OSBPL9: variants seen among roughly 807,000 people sequenced by gnomAD.
OSBPL9 encodes the protein oxysterol-binding protein-related protein 9.
A neutral mutation model predicts 106.6 loss-of-function variants in OSBPL9; 40 were observed. The ratio of observed to expected loss-of-function variants is 0.38; its 90% CI spans 0.29 to 0.49. The LOEUF (loss-of-function observed/expected upper bound fraction) is 0.49. Ranked by LOEUF, OSBPL9 falls within the 20% of genes least tolerant of loss-of-function variation. OSBPL9 has a pLI of 0.97. For missense variants in OSBPL9, 609 were observed against 887.2 expected (o/e 0.69, Z 3.98); for synonymous variants, 269 against 295.4 (o/e 0.91, Z 0.92).
At chr1:51,619,082 T>C (rs1026594776) in intron 1 of OSBPL9, among the ~76,000 whole-genome samples, 1 of 152,200 alleles carries the variant, frequency 6.6e-6, no homozygotes, top group Non-Finnish European at 1.5e-5. Flanking sequence ...GAGAGGCAAC[T>C]GAATATTATG....
chr1:51,728,000 T>G (rs1663438783), intron 4 of OSBPL9, among the ~76,000 whole-genome samples: 1 of 152,098 alleles, frequency 6.6e-6, no homozygotes, highest in Admixed American at 6.5e-5. Context: ...GTGTGGGGAT[T>G]GATGTCAAGG....
chr1:51,593,027 C>G (rs371284418), intron 1 of OSBPL9, among the ~76,000 whole-genome samples: 13 of 152,224 alleles, frequency 8.5e-5, no homozygotes, highest in African/African-American at 3.1e-4. Context: ...TTGAACCTAT[C>G]CTTGGAAAAG....
intron 3 of OSBPL9, among the ~76,000 whole-genome samples, chr1:51,675,462 G>A (rs888909967): frequency 1.3e-5 from 2 of 151,780 alleles, no homozygotes; most frequent in African/African-American, 2.4e-5. Flanking sequence ...TATGTAGACC[G>A]AATAAAATGC....
At chr1:51,683,789 T>C (rs1653145969) in intron 3 of OSBPL9, among the ~76,000 whole-genome samples, 2 of 146,816 alleles carry the variant, frequency 1.4e-5, no homozygotes, top group Admixed American at 1.3e-4. Context: ...CAAGACTCTG[T>C]CTCAAAAAAA....
chr1:51,682,845 T>TG (rs1350104378), intron 3 of OSBPL9, among the ~76,000 whole-genome samples: 1 of 151,352 alleles, frequency 6.6e-6, no homozygotes, highest in Non-Finnish European at 1.5e-5. Flanking sequence ...TTTTTTTTTT[T>TG]GGCTAGGAGC....
the OSBPL9 span, among the ~76,000 whole-genome samples, chr1:51,519,489 C>A: frequency 6.6e-6 from 1 of 151,840 alleles, no homozygotes; most frequent in African/African-American, 2.4e-5. Flanking sequence ...GCCCCCGGGG[C>A]CGCCTTGGAA....
upstream of OSBPL9, chr1:51,616,933 T>G (rs1644072838): frequency 8.4e-7 from 1 of 1,190,078 alleles, no homozygotes; most frequent in Non-Finnish European, 1.1e-6. Context: ...TGGCATGGAG[T>G]CCTACACACA....
intron 3 of OSBPL9, among the ~76,000 whole-genome samples, chr1:51,710,715 C>G (rs1659618723): frequency 6.6e-6 from 1 of 152,178 alleles, no homozygotes; most frequent in Non-Finnish European, 1.5e-5. Flanking sequence ...CTCATTGTTT[C>G]TTTTGAGAGC....
chr1:51,536,115 C>A, the OSBPL9 span, among the ~76,000 whole-genome samples: 19 of 152,274 alleles, frequency 1.2e-4, no homozygotes, highest in African/African-American at 4.6e-4. Context: ...TACATACCCA[C>A]TCAGTATGAC....
intron 4 of OSBPL9, among the ~76,000 whole-genome samples, chr1:51,722,937 A>G (rs538408826): frequency 5.9e-5 from 9 of 152,338 alleles, no homozygotes; most frequent in Admixed American, 5.2e-4. Flanking sequence ...TTGCTAGGCA[A>G]ATGCCTAGGG....
the OSBPL9 span, among the ~76,000 whole-genome samples, chr1:51,552,261 A>G: frequency 2.0e-5 from 3 of 152,166 alleles, no homozygotes; most frequent in African/African-American, 4.8e-5. Context: ...TTTCACTACT[A>G]TAACCCCAGC....
At chr1:51,703,438 T>C (rs148739249) in intron 3 of OSBPL9, among the ~76,000 whole-genome samples, 36,550 of 151,978 alleles carry the variant, frequency 0.24, 6,029 homozygotes, top group African/African-American at 0.46. Context: ...ATTTGGCTCT[T>C]TGTTTGTCTG....
At chr1:51,720,792 A>ATTTTTTTT (rs34137715) in intron 4 of OSBPL9, among the ~76,000 whole-genome samples, 3 of 101,134 alleles carry the variant, frequency 3.0e-5, no homozygotes, top group Admixed American at 1.1e-4. Context: ...TCAAATTGGA[A>ATTTTTTTT]TTTTTTTTTT....
chr1:51,689,265 A>G (rs1024546108), intron 3 of OSBPL9, among the ~76,000 whole-genome samples: 7 of 152,190 alleles, frequency 4.6e-5, no homozygotes, highest in Non-Finnish European at 1.0e-4. Flanking sequence ...TTGCCTTGGA[A>G]GCCAACAAAA....
At chr1:51,594,531 A>G (rs1160207576) in intron 1 of OSBPL9, among the ~76,000 whole-genome samples, 1 of 152,248 alleles carries the variant, frequency 6.6e-6, no homozygotes, top group African/African-American at 2.4e-5. Context: ...ATGAAGGAGA[A>G]GGAACAAACG....
At chr1:51,580,928 ATATATATATATATATATATATATATAAC>A in intron 1 of OSBPL9, among the ~76,000 whole-genome samples, 2 of 350 alleles carry the variant, frequency 5.7e-3, no homozygotes, top group Non-Finnish European at 9.6e-3. Flanking sequence ...ATATATATAT[ATATATATATATATATATATATATATAAC>A]TTTTTTGAAA....
At chr1:51,628,511 G>A (rs1644907136) in intron 1 of OSBPL9, among the ~76,000 whole-genome samples, 1 of 151,684 alleles carries the variant, frequency 6.6e-6, no homozygotes, top group South Asian at 2.1e-4. Flanking sequence ...TTGAACCCGG[G>A]AGGTGAAGGT....
intron 4 of OSBPL9, chr1:51,745,003 C>T (rs1667691747): frequency 6.5e-6 from 1 of 154,142 alleles, no homozygotes; most frequent in East Asian, 1.9e-4. Context: ...TAGAGAGGGG[C>T]CACCTCTTAG....
chr1:51,784,511 T>C lies in OSBPL9; in HGVS notation c.1758T>C (p.Tyr586=). 6.2e-7 allele frequency: 1 copy of C among 1,613,548 alleles called. No individual in the cohort carries two copies. Among genetic ancestry groups the C allele is most frequent in the South Asian group, 1.1e-5 (1 of 91,072 alleles). The change falls in exon 20 of 24, where the codon TAT becomes TAC. Residue 586 remains tyrosine, a synonymous_variant. Coordinates refer to ENST00000428468, the MANE Select transcript of OSBPL9 (RefSeq NM_024586.6). ...ECNINCSKTG[Y]SANIIFHTKP... ...ATATTAATTGTTCCAAAACAGGCTA[T>C]AGTGCAAATATCATCTTCCACACTA...
Sources: gnomAD v4.1 joint callset for allele counts (sites outside exome capture counted in the v4.1 genomes callset) on GRCh38, gnomAD v4.1.1 for gene constraint, MANE v1.5 for transcripts, NCBI Gene and HGNC (gene_info 2026-07-23, HGNC 2026-07-21) for gene names.